HSP90AA1: variants seen among roughly 807,000 people sequenced by gnomAD.
HSP90AA1 encodes the protein heat shock protein 90 alpha family class A member 1, also known as heat shock protein HSP 90-alpha.
A neutral mutation model predicts 73.3 loss-of-function variants in HSP90AA1; 18 were observed. The ratio of observed to expected loss-of-function variants is 0.25; its 90% confidence interval spans 0.17 to 0.36. The LOEUF is 0.36. HSP90AA1 is among the 10% of genes least tolerant of loss of function. HSP90AA1 has a pLI of 1.00. For synonymous variants in HSP90AA1, 477 were observed against 296.9 expected (o/e 1.61, Z -6.24); for missense variants, 704 against 874.2 (o/e 0.81, Z 2.45).
intron 1 of HSP90AA1, among the ~76,000 whole-genome samples, chr14:102,108,681 G>A (rs1424096739): frequency 6.6e-6 from 1 of 151,788 alleles, no homozygotes; most frequent in African/African-American, 2.4e-5. Flanking sequence ...GATTACAGGT[G>A]CCTGCCACCA....
At chr14:102,099,321 G>A (rs1024836547) in intron 2 of HSP90AA1, among the ~76,000 whole-genome samples, 20 of 152,300 alleles carry the variant, frequency 1.3e-4, no homozygotes, top group African/African-American at 4.6e-4. Context: ...CACTTTGGGA[G>A]GCCGAGGCAT....
At chr14:102,128,366 G>A (rs575541173) in intron 1 of HSP90AA1, among the ~76,000 whole-genome samples, 5 of 151,418 alleles carry the variant, frequency 3.3e-5, no homozygotes, top group Middle Eastern at 6.8e-3. Flanking sequence ...AGTGGCTCAC[G>A]CCTGTAATCC....
At chr14:102,108,099 A>G (rs1390435684) in intron 1 of HSP90AA1, among the ~76,000 whole-genome samples, 2 of 151,598 alleles carry the variant, frequency 1.3e-5, no homozygotes, top group African/African-American at 4.9e-5. Context: ...ATGTCTCTAC[A>G]AAAATTTTAG....
chr14:102,119,054 T>C (rs983068337), intron 1 of HSP90AA1, among the ~76,000 whole-genome samples: 16 of 151,934 alleles, frequency 1.1e-4, no homozygotes, highest in African/African-American at 3.6e-4. Context: ...GAGGTTTCAC[T>C]ATGTTGCCCA....
At chr14:102,113,313 CG>C (rs1349140108) in intron 1 of HSP90AA1, among the ~76,000 whole-genome samples, 1 of 151,850 alleles carries the variant, frequency 6.6e-6, no homozygotes, top group Non-Finnish European at 1.5e-5. Flanking sequence ...TGTGAGCCAC[CG>C]CGCCCGGCTT....
At chr14:102,101,179 A>G (rs2049488600) in intron 2 of HSP90AA1, among the ~76,000 whole-genome samples, 4 of 152,178 alleles carry the variant, frequency 2.6e-5, no homozygotes, top group Admixed American at 1.3e-4. Context: ...TGGCTGCATG[A>G]GATACACACA....
rs768178266 is a variant in HSP90AA1 at position 102,084,588 on chromosome 14, G to C, written c.982-24C>G. ...TGCTGTAATAAAACAGATACACTAA[G>C]TACCAATGAACAATGCATTATAGAA... On this transcript the variant is annotated intron_variant, in intron 5 of 10. Transcript: ENST00000216281. 16 of 1,614,120 alleles carry C rather than the reference G, an allele frequency of 9.9e-6. 1 individual carries two copies. The highest frequency in any genetic ancestry group is 1.6e-4 in the Middle Eastern group (1 of 6,062).
chr14:102,118,465 T>C (rs1297635803), intron 1 of HSP90AA1, among the ~76,000 whole-genome samples: 2 of 152,048 alleles, frequency 1.3e-5, no homozygotes, highest in Non-Finnish European at 2.9e-5. Flanking sequence ...GGTCTTGGAC[T>C]CCTGGATTCA....
chr14:102,113,370 T>C (rs766578574), intron 1 of HSP90AA1, among the ~76,000 whole-genome samples: 3 of 150,942 alleles, frequency 2.0e-5, no homozygotes, highest in Non-Finnish European at 4.4e-5. Flanking sequence ...CTTTCTTTAA[T>C]TAATTTATTT....
intron 2 of HSP90AA1, among the ~76,000 whole-genome samples, chr14:102,100,029 A>G (rs2049473525): frequency 6.6e-6 from 1 of 152,130 alleles, no homozygotes; most frequent in South Asian, 2.1e-4. Flanking sequence ...TTTACAAAAA[A>G]TACAAAAATT....
rs912903261 is a variant in HSP90AA1, at chr14:102,085,290, A to G, written c.663+8T>C. 5 of 1,610,450 alleles carry G rather than the reference A, an allele frequency of 3.1e-6. No homozygotes were observed. In the East Asian group the frequency reaches 1.1e-4, roughly 36 times the overall value. On this transcript the variant is annotated splice_region_variant and intron_variant, in intron 4 of 10. Transcript: ENST00000216281. ...AGAAATTCACTCTGCAATTACATAA[A>G]AACTTACAAAAAGAGTAATGGGATA...
chr14:102,095,072 TTTG>T (rs2049407139), intron 2 of HSP90AA1, among the ~76,000 whole-genome samples: 1 of 152,186 alleles, frequency 6.6e-6, no homozygotes, highest in African/African-American at 2.4e-5. Context: ...CAGTGTCACC[TTTG>T]TTGGACCACA....
In HSP90AA1 at chr14:102,081,762, G is replaced by T; in HGVS notation, c.2149C>A (p.Pro717Thr). ...GTGTCGTCATCTCCTTCAAGGGGTG[G>T]CATTTCTTCAGTTACAGCAGCACTG... ...DTSAAVTEEM[P>T]PLEGDDDTSR... is the part of the protein sequence containing the mutation. The change falls in exon 11 of 11, where the codon CCA becomes ACA. Residue 717 changes from proline to threonine, a missense_variant. By Grantham distance (38) the Pro-to-Thr change is conservative. Transcript: ENST00000216281. 1 of 1,597,788 alleles carries T rather than the reference G, an allele frequency of 6.3e-7. No homozygotes were observed. The highest frequency in any genetic ancestry group is 8.6e-7 in the Non-Finnish European group (1 of 1,165,178).
chr14:102,085,764 C>T lies in HSP90AA1; in HGVS notation c.523G>A (p.Asp175Asn), dbSNP rs2049216284. Reference sequence around the variant, plus strand: ...TGAATGTTCAGGTGCCTACCTGTGTCTGTCCTCACTGTGAATGATCCCCCT... The same window carrying T: ...TGAATGTTCAGGTGCCTACCTGTGTTTGTCCTCACTGTGAATGATCCCCCT... ...SAGGSFTVRT[D>N]TGEPMGRGTK... Residue 175 changes from aspartate to asparagine, a missense_variant, in exon 3 of 11, where the codon GAC (aspartate) becomes AAC (asparagine). Asp to Asn is a conservative substitution (Grantham distance 23). Coordinates refer to ENST00000216281, the MANE Select transcript of HSP90AA1 (RefSeq NM_005348.4). 6.2e-7 allele frequency: 1 copy of T among 1,613,888 alleles called. No homozygotes were observed. The highest frequency in any genetic ancestry group is 8.5e-7 in the Non-Finnish European group (1 of 1,179,872).
intron 3 of HSP90AA1, 27 bp from the exon 4 acceptor site, chr14:102,085,458 T>TTAA (rs35308930): frequency 0.93 from 1,488,661 of 1,592,512 alleles, 696,982 homozygotes; most frequent in East Asian, 1. Context: ...AAAAATTGAC[T>TTAA]TAATACATTC....
intron 1 of HSP90AA1, among the ~76,000 whole-genome samples, chr14:102,138,330 C>T (rs893577774): frequency 6.6e-6 from 1 of 151,930 alleles, no homozygotes; most frequent in Admixed American, 6.6e-5. Flanking sequence ...TTGTAAAATA[C>T]GTGTTTTCAA....
At chr14:102,139,426 C>T (rs1226154222) in exon 1 of HSP90AA1, 1 of 1,523,808 alleles carries the variant, frequency 6.6e-7, no homozygotes, top group Admixed American at 2.2e-5. Flanking sequence ...GTAGGGTACC[C>T]CGCGTGCTGG....
chr14:102,084,033 G>A (rs1161489559), intron 6 of HSP90AA1, 50 bp from the exon 7 acceptor site: 3 of 1,370,294 alleles, frequency 2.2e-6, no homozygotes, highest in African/African-American at 1.4e-5. Flanking sequence ...GGACAAAACT[G>A]GTACTATGTA....
chr14:102,102,645 T>C (rs575583918), intron 1 of HSP90AA1, among the ~76,000 whole-genome samples: 59 of 152,370 alleles, frequency 3.9e-4, no homozygotes, highest in Middle Eastern at 3.4e-3. Flanking sequence ...CGCATACGAC[T>C]TGTGAGAGTT....
Sources: allele counts gnomAD v4.1 joint callset (sites outside exome capture counted in the v4.1 genomes callset), GRCh38; gene constraint gnomAD v4.1.1; transcripts MANE v1.5; gene names NCBI Gene and HGNC (gene_info 2026-07-23, HGNC 2026-07-21).